Variants in ANKRD18A observed in about 807,000 individuals in gnomAD.
The protein encoded by ANKRD18A is ankyrin repeat domain 18A, also known as ankyrin repeat domain-containing protein 18A.
ANKRD18A carries 72 observed loss-of-function variants against 110.6 expected under a neutral mutation model. The ratio of observed to expected loss-of-function variants is 0.65; its 90% CI spans 0.54 to 0.79. ANKRD18A has a LOEUF of 0.79. Ranked by LOEUF, ANKRD18A falls within the 30% of genes least tolerant of loss-of-function variation. The pLI is 0.00. For missense variants in ANKRD18A, 934 were observed against 1,163.3 expected (o/e 0.80, Z 2.87); for synonymous variants, 305 against 410.3 (o/e 0.74, Z 3.10).
rs370270368 is a variant in ANKRD18A at position 38,588,955 on chromosome 9, G to T, written c.2005-292C>A. ...ACTAAGGGTTAGTAAGATACATTAA[G>T]AGTAGTAATATTTACATTTTAGTTT... On this transcript the variant is annotated intron_variant, in intron 10 of 15. Coordinates refer to ENST00000399703, the MANE Select transcript of ANKRD18A (RefSeq NM_147195.4). Among the ~76,000 whole-genome samples, 26 of 152,312 alleles carry T rather than the reference G, an allele frequency of 1.7e-4. 1 individual carries two copies. The East Asian group carries it at 2.1e-3, about 12-fold the overall frequency.
rs267602242 is a variant in ANKRD18A, at chr9:38,578,053, C to T, written c.2343G>A (p.Met781Ile). The T allele has an allele frequency of 1.3e-6, 2 of 1,551,204 alleles. No homozygotes were observed. The highest frequency in any genetic ancestry group is 2.4e-5 in the South Asian group (2 of 84,004). Residue 781 changes from methionine (M) to isoleucine (I), a missense_variant, in exon 13 of 16, where the codon ATG (methionine) becomes ATA (isoleucine). Physicochemically the swap from Met to Ile is conservative, Grantham distance 10. This residue lies in a region of ANKRD18A where 79 missense variants were observed against 122.8 expected (regional missense o/e 0.64). Coordinates refer to ENST00000399703, the MANE Select transcript of ANKRD18A (RefSeq NM_147195.4). ...NEVLHQELLSMRNVQEKCEKL... is the reference protein window; with the variant it reads ...NEVLHQELLSIRNVQEKCEKL... ...TTTCACATTTCTCTTGTACATTTCT[C>T]ATAGATAATAACTCCTGATGAAGAA...
chr9:38,617,445 G>A (rs1825904265), intron 1 of ANKRD18A, among the ~76,000 whole-genome samples: 2 of 151,482 alleles, frequency 1.3e-5, no homozygotes, highest in Admixed American at 6.6e-5. Context: ...GTCGCAAAAC[G>A]AAAAAACAAA....
At chr9:38,598,262 G>C (rs576854780) in intron 8 of ANKRD18A, among the ~76,000 whole-genome samples, 1 of 152,290 alleles carries the variant, frequency 6.6e-6, no homozygotes, top group South Asian at 2.1e-4. Context: ...TGGTTCAGAA[G>C]GTCACATGGT....
In ANKRD18A at chr9:38,575,457, A is replaced by C; in HGVS notation, c.2964+19T>G. On this transcript the variant is annotated intron_variant, in intron 15 of 15. Transcript: ENST00000399703. ...ATTAGAGAAATGAAACCCAAAAGAG[A>C]AATGGTCATATAACTAACCTCAGTC... The C allele has an allele frequency of 6.5e-7, 1 of 1,532,876 alleles. No homozygotes were observed. Among genetic ancestry groups the C allele is most frequent in the Non-Finnish European group, 8.8e-7 (1 of 1,137,928 alleles). The allele number at this position is 1,532,876 out of a possible 1,614,324, so 95.0% of individuals were successfully genotyped here.
intron 10 of ANKRD18A, among the ~76,000 whole-genome samples, chr9:38,593,517 G>T (rs1420365725): frequency 2.0e-5 from 3 of 152,314 alleles, no homozygotes; most frequent in African/African-American, 7.2e-5. Flanking sequence ...TGTGAGGAAT[G>T]ATGTATTATT....
intron 11 of ANKRD18A, among the ~76,000 whole-genome samples, chr9:38,587,256 G>A (rs1470556641): frequency 6.6e-6 from 1 of 152,074 alleles, no homozygotes; most frequent in East Asian, 1.9e-4. Context: ...CAAAATGAAA[G>A]GTACAAAACC....
chr9:38,581,817 GAAT>G (rs1198867231), intron 12 of ANKRD18A, among the ~76,000 whole-genome samples: 2 of 151,942 alleles, frequency 1.3e-5, no homozygotes, highest in Non-Finnish European at 1.5e-5. Flanking sequence ...TAAATTGCCT[GAAT>G]ATTACCTGAT....
chr9:38,603,413 G>T (rs961781403), intron 6 of ANKRD18A, among the ~76,000 whole-genome samples: 3 of 152,048 alleles, frequency 2.0e-5, no homozygotes, highest in Non-Finnish European at 4.4e-5. Flanking sequence ...AATAACTATA[G>T]GCTCCCAGGT....
intron 4 of ANKRD18A, 87 bp from the exon 5 acceptor site, chr9:38,610,497 C>A (rs545854119): frequency 6.8e-7 from 1 of 1,472,132 alleles, no homozygotes; most frequent in South Asian, 1.4e-5. Flanking sequence ...AATTTCATAT[C>A]TTGCCTGTCA....
intron 7 of ANKRD18A, among the ~76,000 whole-genome samples, chr9:38,602,222 T>C (rs1825147660): frequency 6.6e-6 from 1 of 150,572 alleles, no homozygotes; most frequent in Admixed American, 6.6e-5. Flanking sequence ...GTCTTTATTT[T>C]ACTAAATATT....
At chr9:38,586,890 C>T (rs1361946073) in intron 11 of ANKRD18A, among the ~76,000 whole-genome samples, 2 of 152,036 alleles carry the variant, frequency 1.3e-5, no homozygotes, top group South Asian at 2.1e-4. Flanking sequence ...TATAAATAGA[C>T]TATTCATATC....
At chr9:38,568,263 G>A (rs1032154063), downstream of ANKRD18A, 6 of 152,378 alleles carry the variant, frequency 3.9e-5, no homozygotes, top group Admixed American at 3.9e-4. Flanking sequence ...GAGCCCCAAA[G>A]GCAGCGCACA....
intron 10 of ANKRD18A, among the ~76,000 whole-genome samples, chr9:38,591,517 T>G (rs1333462247): frequency 6.6e-6 from 1 of 152,118 alleles, no homozygotes; most frequent in Non-Finnish European, 1.5e-5. Context: ...ACAGGTAAGA[T>G]TTGCTTAGAA....
intron 3 of ANKRD18A, among the ~76,000 whole-genome samples, chr9:38,613,371 C>T (rs2118884859): frequency 6.6e-6 from 1 of 152,244 alleles, no homozygotes; most frequent in African/African-American, 2.4e-5. Flanking sequence ...TAGACTATAG[C>T]TCTTGTGTTT....
chr9:38,571,354 G>A (rs1262856594), downstream of ANKRD18A: 11 of 828,650 alleles, frequency 1.3e-5, no homozygotes, highest in Non-Finnish European at 1.8e-5. Context: ...CCAGAATCAT[G>A]AGCTTTCCCT....
At chr9:38,601,385 G>A (rs1825112001) in intron 7 of ANKRD18A, among the ~76,000 whole-genome samples, 181 bp from the exon 8 acceptor site, 1 of 151,874 alleles carries the variant, frequency 6.6e-6, no homozygotes, top group Non-Finnish European at 1.5e-5. Context: ...AAACCACTTG[G>A]GGAGACGCTA....
Position 38,572,033 on chromosome 9 carries a change from G to T in ANKRD18A, c.*12C>A. The T allele has an allele frequency of 2.5e-6, 4 of 1,589,896 alleles. No individual in the cohort carries two copies. In the Admixed American group the frequency reaches 5.6e-5, roughly 22 times the overall value. On this transcript the variant is annotated 3_prime_UTR_variant, in exon 16 of 16. Coordinates refer to ENST00000399703, the MANE Select transcript of ANKRD18A (RefSeq NM_147195.4). ...GTGGATTCTACAAAAGAAAGTAGAC[G>T]GGAGCAAGTGCTCAACATAGCAAAA... is the stretch of plus-strand genomic sequence containing the variant.
intron 8 of ANKRD18A, among the ~76,000 whole-genome samples, chr9:38,597,784 G>A (rs140401229): frequency 0.012 from 1,855 of 152,164 alleles, 35 homozygotes; most frequent in African/African-American, 0.042. Flanking sequence ...TAACGTACAG[G>A]ACTCAGCCTT....
chr9:38,582,882 C>T (rs1177524464), intron 12 of ANKRD18A, among the ~76,000 whole-genome samples: 1 of 152,140 alleles, frequency 6.6e-6, no homozygotes, highest in Non-Finnish European at 1.5e-5. Flanking sequence ...AAAGGCAAGA[C>T]ACTGAGTAGA....
Sources: allele counts gnomAD v4.1 joint callset (sites outside exome capture counted in the v4.1 genomes callset), GRCh38; gene constraint gnomAD v4.1.1; regional missense constraint gnomAD v4.1.1; transcripts MANE v1.5; gene names NCBI Gene and HGNC (gene_info 2026-07-23, HGNC 2026-07-21).